The following SLC39A7 variants were observed in gnomAD, a reference collection of about 807,000 sequenced individuals.
SLC39A7 encodes the protein zinc transporter SLC39A7.
SLC39A7 carries 25 observed loss-of-function variants against 39.7 expected under a neutral mutation model. That is an observed-to-expected ratio of 0.63 (90% CI 0.46 to 0.88). SLC39A7 has a LOEUF of 0.88. Among genes scored for constraint, SLC39A7 ranks in the 40% least tolerant of loss-of-function variants. SLC39A7 has a pLI of 0.00. For missense variants in SLC39A7, 501 were observed against 592.1 expected, an observed-to-expected ratio of 0.85 and a Z score of 1.60; for synonymous variants, 181 against 234.1, an observed-to-expected ratio of 0.77 and a Z score of 2.07.
At position 33,203,770 on chromosome 6, in the gene SLC39A7, T is replaced by G; in HGVS notation, c.1367T>G (p.Leu456Arg). 1.2e-6 allele frequency: 2 copies of G among 1,614,152 alleles called. No homozygotes were observed. The highest frequency in any genetic ancestry group is 1.7e-6 in the Non-Finnish European group (2 of 1,180,006). Residue 456 changes from leucine (L) to arginine (R), a missense_variant, in exon 7 of 7, where the codon CTG becomes CGG. Physicochemically the swap from Leu to Arg is moderately radical, Grantham distance 102. Coordinates refer to ENST00000374677, the MANE Select transcript of SLC39A7 (RefSeq NM_006979.3). ...LQSLLEVLGL[L>R]GGVIMMVLIA... The stretch of plus-strand genomic sequence containing the variant: ...TCACTTCTGGAGGTGCTGGGGCTGC[T>G]GGGGGGAGTTATCATGATGGTGCTG...
chr6:33,203,872 G>T lies in SLC39A7; in HGVS notation c.*59G>T. The T allele has an allele frequency of 6.4e-7, 1 of 1,557,032 alleles. No individual in the cohort carries two copies. The highest frequency in any genetic ancestry group is 8.8e-7 in the Non-Finnish European group (1 of 1,133,742). On this transcript the variant is annotated 3_prime_UTR_variant, in exon 7 of 7. Coordinates refer to ENST00000374677, the MANE Select transcript of SLC39A7 (RefSeq NM_006979.3). ...ACCCCTAACTCCAGGTCAGGGGTGC[G>T]TAGAGGTTGGGGGCCCTGGCCAGGG...
Position 33,202,558 on chromosome 6 carries a change from A to G in SLC39A7, c.800-2A>G. 2 of 1,599,758 alleles carry G rather than the reference A, an allele frequency of 1.3e-6. No homozygotes were observed. Among genetic ancestry groups the G allele is most frequent in the Non-Finnish European group, 8.5e-7 (1 of 1,175,532 alleles). ...CTCTGACCAACTCTTTTCTTCCCTC[A>G]GAGCGTTCTACCAAGGAGAAGCAGA... On this transcript the variant is annotated splice_acceptor_variant, in intron 4 of 6. Coordinates refer to ENST00000374677, the MANE Select transcript of SLC39A7 (RefSeq NM_006979.3). LOFTEE classifies it high-confidence loss of function.
Position 33,202,118 on chromosome 6 carries a change from C to T in SLC39A7, c.627C>T (p.Ser209=), listed in dbSNP as rs1547387. The part of the protein sequence containing the change: ...HTLEQPGHGH[S]HSGQGPILSV... ...TGGAGCAACCCGGACATGGACACTC[C>T]CACAGTGGTGAGGAAGAGACAGATG... The change falls in exon 3 of 7, where the codon TCC becomes TCT. Residue 209 remains serine (S), a synonymous_variant. Coordinates refer to ENST00000374677, the MANE Select transcript of SLC39A7 (RefSeq NM_006979.3). The T allele has an allele frequency of 8.7e-6, 14 of 1,612,808 alleles. No individual in the cohort carries two copies. The highest frequency in any genetic ancestry group is 1.2e-5 in the Non-Finnish European group (14 of 1,179,918).
Position 33,202,214 on chromosome 6 carries a change from G to T in SLC39A7, c.635-49G>T, listed in dbSNP as rs903741280. On this transcript the variant is annotated intron_variant, in intron 3 of 6. Transcript: ENST00000374677. The stretch of plus-strand genomic sequence containing the variant: ...CTCACCTCCCGCACTTGAGGAGGAG[G>T]AGTCTGGAATGCACATCTCCCTTAA... 12 of 1,597,158 alleles carry T rather than the reference G, an allele frequency of 7.5e-6. No homozygotes were observed. In the African/African-American group the frequency reaches 1.2e-4, roughly 16 times the overall value.
In SLC39A7 at chr6:33,203,088, T is replaced by C; in HGVS notation, c.1119T>C (p.Ser373=). 1 of 1,592,644 alleles carries C rather than the reference T, an allele frequency of 6.3e-7. No individual in the cohort carries two copies. Among genetic ancestry groups the C allele is most frequent in the Middle Eastern group, 1.7e-4 (1 of 5,964 alleles). The change falls in exon 6 of 7, where the codon TCT becomes TCC. Residue 373 remains serine (S), a synonymous_variant. Coordinates refer to ENST00000374677, the MANE Select transcript of SLC39A7 (RefSeq NM_006979.3). Reference sequence around the variant, plus strand: ...GAGACTTTGCCATCTTGGTCCAGTCTGGCTGCAGCAAAAAGCAGGTTGGTG... The same window carrying C: ...GAGACTTTGCCATCTTGGTCCAGTCCGGCTGCAGCAAAAAGCAGGTTGGTG... ...EVGDFAILVQ[S]GCSKKQAMRL...
In SLC39A7 at chr6:33,204,432, G is replaced by A; in HGVS notation, c.*619G>A. The A allele has an allele frequency of 3.3e-6, 2 of 600,072 alleles. No homozygotes were observed. The highest frequency in any genetic ancestry group is 2.9e-5 in the Admixed American group (1 of 33,930). The allele number at this position is 600,072 out of a possible 1,614,324, so 37.2% of individuals were successfully genotyped here. ...CGGAAATAAAGACCTCCGATCTTCC[G>A]CCCCACATGCAGTCTTTGTCTTTTT... On this transcript the variant is annotated 3_prime_UTR_variant, in exon 7 of 7. Transcript: ENST00000374677.
At chr6:33,202,230 T>C (rs112101666) in intron 3 of SLC39A7, 33 bp from the exon 4 acceptor site, 3 of 1,602,292 alleles carry the variant, frequency 1.9e-6, no homozygotes, top group Non-Finnish European at 2.6e-6. Context: ...GGAATGCACA[T>C]CTCCCTTAAT....
Position 33,201,294 on chromosome 6 carries a change from A to C in SLC39A7, c.49A>C (p.Thr17Pro). 1 of 1,613,570 alleles carries C rather than the reference A, an allele frequency of 6.2e-7. No individual in the cohort carries two copies. The highest frequency in any genetic ancestry group is 8.5e-7 in the Non-Finnish European group (1 of 1,179,874). Residue 17 changes from threonine (T) to proline (P), a missense_variant, in exon 1 of 7, where the codon ACC becomes CCC. Physicochemically the swap from Thr to Pro is conservative, Grantham distance 38. Coordinates refer to ENST00000374677, the MANE Select transcript of SLC39A7 (RefSeq NM_006979.3). The surrounding 1 kb of genome is among the most constrained non-coding windows in gnomAD (Gnocchi z 5.9). ...APHWVAVGLL[T>P]WATLGLLVAG... is the part of the protein sequence containing the mutation. The stretch of plus-strand genomic sequence containing the variant: ...CCACTGGGTGGCCGTGGGACTGCTG[A>C]CCTGGGCGACCTTGGGGCTTCTGGT...
Position 33,203,976 on chromosome 6 carries a change from C to A in SLC39A7, c.*163C>A. 3.0e-6 allele frequency: 2 copies of A among 676,756 alleles called. No individual in the cohort carries two copies. The highest frequency in any genetic ancestry group is 5.0e-5 in the Admixed American group (2 of 39,830). 41.9% of individuals were successfully genotyped at this position (676,756 alleles called of 1,614,324 possible). On this transcript the variant is annotated 3_prime_UTR_variant, in exon 7 of 7. Coordinates refer to ENST00000374677, the MANE Select transcript of SLC39A7 (RefSeq NM_006979.3). ...GGGCCTTCAAGGGCTGGCAGTCTTA[C>A]AGAGGCTGGAGCGGTGAGAATGAGA... is the stretch of plus-strand genomic sequence containing the variant.
chr6:33,201,913 G>A lies in SLC39A7; in HGVS notation c.580G>A (p.Glu194Lys), dbSNP rs1171974242. Residue 194 changes from glutamate to lysine, a missense_variant and splice_region_variant, in exon 2 of 7, where the codon GAA (glutamate) becomes AAA (lysine). Glu to Lys is a moderately conservative substitution (Grantham distance 56). Coordinates refer to ENST00000374677, the MANE Select transcript of SLC39A7 (RefSeq NM_006979.3). This position sits in a 1 kb window ranked among gnomAD's most constrained non-coding sequence, Gnocchi z 5.9. Reference protein sequence around the residue: ...AFLHLIPHALEPHSHHTLEQP... With the variant: ...AFLHLIPHALKPHSHHTLEQP... ...CCTGCACCTCATTCCTCATGCTCTT[G>A]GTAAGTAACCTCTGACTTCTACCTC... 3 of 1,612,666 alleles carry A rather than the reference G, an allele frequency of 1.9e-6. No individual in the cohort carries two copies. In the East Asian group the frequency reaches 6.7e-5, roughly 36 times the overall value.
In SLC39A7 at chr6:33,202,400, C is replaced by A; in HGVS notation, c.772C>A (p.Arg258Ser). Reference protein sequence around the residue: ...HGHGHAHSHTRGSHGHGRQER... With the variant: ...HGHGHAHSHTSGSHGHGRQER... The stretch of plus-strand genomic sequence containing the variant: ...ACATGGACACGCTCACAGTCATACA[C>A]GTGGAAGTCATGGACATGGAAGACA... Residue 258 changes from arginine to serine, a missense_variant, in exon 4 of 7, where the codon CGT (arginine) becomes AGT (serine). Coordinates refer to ENST00000374677, the MANE Select transcript of SLC39A7 (RefSeq NM_006979.3). 6.2e-7 allele frequency: 1 copy of A among 1,612,678 alleles called. No homozygotes were observed. Among genetic ancestry groups the A allele is most frequent in the Non-Finnish European group, 8.5e-7 (1 of 1,179,766 alleles).
rs1480450249 is a variant in SLC39A7 at position 33,204,375 on chromosome 6, CTG to C, written c.*566_*567del. The C allele has an allele frequency of 1.2e-5, 7 of 582,970 alleles. No individual in the cohort carries two copies. Among genetic ancestry groups the C allele is most frequent in the African/African-American group, 1.1e-4 (6 of 53,448 alleles). The allele number at this position is 582,970 out of a possible 1,614,324, so 36.1% of individuals were successfully genotyped here. A position where few individuals can be genotyped will look rare whatever the true frequency, so the allele number is the denominator to read the frequency against. ...TTTTGTTTCTATTCCTTTTATATCA[CTG>C]TGTTTGAATCGAGGGGGAGGGGTGG... On this transcript the variant is annotated 3_prime_UTR_variant, in exon 7 of 7. Coordinates refer to ENST00000374677, the MANE Select transcript of SLC39A7 (RefSeq NM_006979.3).
chr6:33,201,903 T>C lies in SLC39A7; in HGVS notation c.570T>C (p.Pro190=), dbSNP rs752617412. ...GAGATGCTTTCCTGCACCTCATTCC[T>C]CATGCTCTTGGTAAGTAACCTCTGA... ...LLGDAFLHLI[P]HALEPHSHHT... Residue 190 remains proline, a synonymous_variant, in exon 2 of 7, where the codon CCT becomes CCC. Transcript: ENST00000374677. This position sits in a 1 kb window ranked among gnomAD's most constrained non-coding sequence, Gnocchi z 5.9. 8 of 1,612,748 alleles carry C rather than the reference T, an allele frequency of 5.0e-6. No homozygotes were observed. The African/African-American group carries it at 1.1e-4, about 22-fold the overall frequency.
intron 6 of SLC39A7, 105 bp downstream of exon 6, chr6:33,203,211 T>C: frequency 3.0e-6 from 3 of 1,000,660 alleles, no homozygotes; most frequent in African/African-American, 1.6e-5. Context: ...CATACTGTCA[T>C]TGACAAGTCC....
In SLC39A7 at chr6:33,204,163, C is replaced by T; in HGVS notation, c.*350C>T. 1 of 482,520 alleles carries T rather than the reference C, an allele frequency of 2.1e-6. No homozygotes were observed. The highest frequency in any genetic ancestry group is 3.7e-6 in the Non-Finnish European group (1 of 266,894). The allele number at this position is 482,520 out of a possible 1,614,324, so 29.9% of individuals were successfully genotyped here. On this transcript the variant is annotated 3_prime_UTR_variant, in exon 7 of 7. Transcript: ENST00000374677. Reference sequence around the variant, plus strand: ...GAACCAAGTTGCTACACAGGAAGTTCTCCAAGGTCCAGTTTCCTTTCTCCC... The same window carrying T: ...GAACCAAGTTGCTACACAGGAAGTTTTCCAAGGTCCAGTTTCCTTTCTCCC...
Position 33,202,325 on chromosome 6 carries a change from G to T in SLC39A7, c.697G>T (p.Val233Leu). 1 of 1,613,000 alleles carries T rather than the reference G, an allele frequency of 6.2e-7. No individual in the cohort carries two copies. Residue 233 changes from valine (V) to leucine (L), a missense_variant, in exon 4 of 7, where the codon GTG becomes TTG. Val to Leu is a conservative substitution (Grantham distance 32). Transcript: ENST00000374677. ...VLSGIVAFLVVEKFVRHVKGG... is the reference protein window; with the variant it reads ...VLSGIVAFLVLEKFVRHVKGG... Reference sequence around the variant, plus strand: ...CAGTGGAATTGTTGCCTTTCTTGTCGTGGAGAAATTTGTGAGACATGTGAA... The same window carrying T: ...CAGTGGAATTGTTGCCTTTCTTGTCTTGGAGAAATTTGTGAGACATGTGAA...
At chr6:33,203,371 C>T (rs1206297334) in intron 6 of SLC39A7, among the ~76,000 whole-genome samples, 170 bp from the exon 7 acceptor site, 2 of 152,242 alleles carry the variant, frequency 1.3e-5, no homozygotes, top group African/African-American at 4.8e-5. Flanking sequence ...CCTCTGATCT[C>T]TTAAGATTTT....
rs374131623 is a variant in SLC39A7 at position 33,203,872 on chromosome 6, G to A, written c.*59G>A. On this transcript the variant is annotated 3_prime_UTR_variant, in exon 7 of 7. Coordinates refer to ENST00000374677, the MANE Select transcript of SLC39A7 (RefSeq NM_006979.3). ...ACCCCTAACTCCAGGTCAGGGGTGC[G>A]TAGAGGTTGGGGGCCCTGGCCAGGG... 7.4e-4 allele frequency: 1,148 copies of A among 1,557,022 alleles called. 9 individuals carry two copies. In the African/African-American group the frequency reaches 0.014, roughly 19 times the overall value.
Position 33,201,804 on chromosome 6 carries a change from C to T in SLC39A7, c.471C>T (p.Pro157=), listed in dbSNP as rs11538810. ...AAPFFVLFLI[P]VESNSPRHRS... Reference sequence around the variant, plus strand: ...CATTTTTTGTCCTCTTCCTTATCCCCGTGGAGTCGAACTCTCCCCGGCATC... The same window carrying T: ...CATTTTTTGTCCTCTTCCTTATCCCTGTGGAGTCGAACTCTCCCCGGCATC... Residue 157 remains proline, a synonymous_variant, in exon 2 of 7, where the codon CCC becomes CCT. Transcript: ENST00000374677. The surrounding 1 kb of genome is among the most constrained non-coding windows in gnomAD (Gnocchi z 5.9). 6.4e-3 allele frequency: 10,285 copies of T among 1,613,564 alleles called. 47 individuals are homozygous for T. Among genetic ancestry groups the T allele is most frequent in the African/African-American group, 0.021 (1,572 of 75,010 alleles).
Sources: allele counts gnomAD v4.1 joint callset (sites outside exome capture counted in the v4.1 genomes callset), GRCh38; gene constraint gnomAD v4.1.1; non-coding constraint Gnocchi (gnomAD v3.1); transcripts MANE v1.5; gene names NCBI Gene and HGNC (gene_info 2026-07-23, HGNC 2026-07-21).